CACNA1C: variants seen among roughly 807,000 people sequenced by gnomAD.
CACNA1C encodes the protein voltage-dependent L-type calcium channel subunit alpha-1C.
A neutral mutation model predicts 229.0 loss-of-function variants in CACNA1C; 30 were observed. The ratio of observed to expected loss-of-function variants is 0.13; its 90% confidence interval spans 0.10 to 0.18. The LOEUF is 0.18. CACNA1C is among the 10% of genes least tolerant of loss of function. CACNA1C has a pLI of 1.00. For missense variants in CACNA1C, 1,658 were observed against 2,845.0 expected, an observed-to-expected ratio of 0.58 and a Z score of 9.49; for synonymous variants, 1,114 against 1,132.5, an observed-to-expected ratio of 0.98 and a Z score of 0.33.
chr12:2,447,987 T>G (rs2099316035), intron 3 of CACNA1C, among the ~76,000 whole-genome samples: 1 of 152,240 alleles, frequency 6.6e-6, no homozygotes, highest in African/African-American at 2.4e-5. Context: ...CTGAGGCTTC[T>G]GCAGAGGCGA....
chr12:2,168,339 C>G (rs1462655799), intron 3 of CACNA1C, among the ~76,000 whole-genome samples: 1 of 152,166 alleles, frequency 6.6e-6, no homozygotes, highest in African/African-American at 2.4e-5. Context: ...AGTTTTTGTC[C>G]TCTGGAAGAT....
intron 3 of CACNA1C, among the ~76,000 whole-genome samples, chr12:2,276,935 T>C (rs1384873027): frequency 6.6e-6 from 1 of 152,030 alleles, no homozygotes; most frequent in African/African-American, 2.4e-5. Context: ...ACATAAACTC[T>C]AGCTACTCCA....
intron 3 of CACNA1C, among the ~76,000 whole-genome samples, chr12:2,448,310 G>A (rs542412120): frequency 3.3e-5 from 5 of 152,314 alleles, no homozygotes; most frequent in African/African-American, 7.2e-5. Context: ...GCCTCCATCC[G>A]CAAAGTGCTG....
In CACNA1C at chr12:2,679,497, G is replaced by C. The variant is rs761205516; in HGVS notation, c.5145G>C (p.Arg1715=). The C allele has an allele frequency of 1.2e-6, 2 of 1,607,892 alleles. No individual in the cohort carries two copies. Among genetic ancestry groups the C allele is most frequent in the South Asian group, 2.2e-5 (2 of 90,642 alleles). Residue 1715 remains arginine, a synonymous_variant, in exon 42 of 47, where the codon CGG becomes CGC. Transcript: ENST00000399655. The surrounding 1 kb of genome is among the most constrained non-coding windows in gnomAD (Gnocchi z 5.5). ...NHVSYYQSDG[R]SAFPQTFTTQ... Reference sequence around the variant, plus strand: ...TCAGCTACTACCAAAGCGACGGCCGGAGCGCCTTCCCCCAGACCTTCACCA... The same window carrying C: ...TCAGCTACTACCAAAGCGACGGCCGCAGCGCCTTCCCCCAGACCTTCACCA...
Position 2,677,236 on chromosome 12 carries a change from G to A in CACNA1C, c.4956+15G>A, listed in dbSNP as rs755066846. Reference sequence around the variant, plus strand: ...TGTCTCTGCAGGTGAGGGCCTGGGGGCGGGCCCACACTCCAGGAAGGTCCT... The same window carrying A: ...TGTCTCTGCAGGTGAGGGCCTGGGGACGGGCCCACACTCCAGGAAGGTCCT... On this transcript the variant is annotated intron_variant, in intron 40 of 46. Transcript: ENST00000399655. This position sits in a 1 kb window ranked among gnomAD's most constrained non-coding sequence, Gnocchi z 7.4. The A allele has an allele frequency of 8.1e-6, 13 of 1,612,562 alleles. No homozygotes were observed. Among genetic ancestry groups the A allele is most frequent in the South Asian group, 2.2e-5 (2 of 90,742 alleles).
At chr12:2,199,812 G>T (rs918907571) in intron 3 of CACNA1C, among the ~76,000 whole-genome samples, 3 of 152,110 alleles carry the variant, frequency 2.0e-5, no homozygotes, top group Non-Finnish European at 4.4e-5. Flanking sequence ...CAGCCGAGAG[G>T]TGAAGGCTGC....
At chr12:2,186,045 C>G (rs2096991599) in intron 3 of CACNA1C, among the ~76,000 whole-genome samples, 1 of 152,176 alleles carries the variant, frequency 6.6e-6, no homozygotes, top group African/African-American at 2.4e-5. Context: ...ACTCGGTTCC[C>G]TACTCTGAGG....
Position 2,682,067 on chromosome 12 carries a change from C to G in CACNA1C, c.5445-483C>G, listed in dbSNP as rs764418363. ...CAAACCCCTCTAGGTGAGGCTTCCT[C>G]TCTGTGCCTTTACCCCAGGGTGCCA... is the stretch of plus-strand genomic sequence containing the variant. On this transcript the variant is annotated intron_variant, in intron 42 of 46. Coordinates refer to ENST00000399655, the MANE Select transcript of CACNA1C (RefSeq NM_000719.7). The G allele has an allele frequency of 2.1e-6, 3 of 1,448,138 alleles. No homozygotes were observed. The East Asian group carries it at 6.8e-5, about 33-fold the overall frequency. The allele number at this position is 1,448,138 out of a possible 1,614,324, so 89.7% of individuals were successfully genotyped here.
chr12:2,301,936 T>G (rs1163217988), intron 3 of CACNA1C, among the ~76,000 whole-genome samples: 1 of 152,242 alleles, frequency 6.6e-6, no homozygotes, highest in African/African-American at 2.4e-5. Flanking sequence ...TTGAATGAAC[T>G]ATCAGTGTGG....
chr12:2,085,311 A>G (rs1354177549), intron 1 of CACNA1C, among the ~76,000 whole-genome samples: 1 of 152,248 alleles, frequency 6.6e-6, no homozygotes. Context: ...TTGAACCACC[A>G]TTGGTAGGAT....
At chr12:2,539,850 GTTTAA>G (rs2099864873) in intron 9 of CACNA1C, among the ~76,000 whole-genome samples, 2 of 118,674 alleles carry the variant, frequency 1.7e-5, no homozygotes, top group Non-Finnish European at 1.8e-5. Context: ...TGCAGGCAGG[GTTTAA>G]GGACTTAAGG....
At chr12:2,519,177 G>C (rs2099804478) in intron 9 of CACNA1C, among the ~76,000 whole-genome samples, 1 of 152,204 alleles carries the variant, frequency 6.6e-6, no homozygotes, top group Non-Finnish European at 1.5e-5. Context: ...CTTTACACTT[G>C]CTTGCTGGGC....
At chr12:2,440,897 A>T (rs533986229) in intron 3 of CACNA1C, among the ~76,000 whole-genome samples, 1 of 152,338 alleles carries the variant, frequency 6.6e-6, no homozygotes, top group African/African-American at 2.4e-5. Flanking sequence ...TGCAACTCTC[A>T]GGAAGTATTT....
intron 1 of CACNA1C, among the ~76,000 whole-genome samples, chr12:2,091,673 G>GT (rs2071139353): frequency 6.6e-6 from 1 of 152,222 alleles, no homozygotes. Context: ...TGCCACATAA[G>GT]GTAACTTATT....
chr12:2,030,694 G>A (rs1247527710), intron 1 of CACNA1C, among the ~76,000 whole-genome samples: 1 of 152,202 alleles, frequency 6.6e-6, no homozygotes, highest in Non-Finnish European at 1.5e-5. Context: ...CCGGGCACAG[G>A]CCACAGCAGG....
chr12:2,576,968 C>T (rs2058634750), intron 13 of CACNA1C, among the ~76,000 whole-genome samples: 2 of 152,236 alleles, frequency 1.3e-5, no homozygotes, highest in Admixed American at 1.3e-4. Flanking sequence ...GCATATAAAA[C>T]ATCCCTGATA....
chr12:2,212,854 C>G (rs1412434552), intron 3 of CACNA1C, among the ~76,000 whole-genome samples: 5 of 152,186 alleles, frequency 3.3e-5, no homozygotes, highest in African/African-American at 1.2e-4. Context: ...AAGCACAGAA[C>G]TGGACACCAT....
intron 1 of CACNA1C, among the ~76,000 whole-genome samples, chr12:2,057,773 A>G (rs1158714178): frequency 6.6e-6 from 1 of 152,152 alleles, no homozygotes; most frequent in African/African-American, 2.4e-5. Flanking sequence ...GCCAGATGTT[A>G]ATTTTCTCCC....
At chr12:2,156,975 A>G (rs1194326942) in intron 3 of CACNA1C, among the ~76,000 whole-genome samples, 1 of 152,222 alleles carries the variant, frequency 6.6e-6, no homozygotes, top group Non-Finnish European at 1.5e-5. Context: ...GAGACAGCTG[A>G]ATCCTAAGCG....
Sources: gnomAD v4.1 joint callset for allele counts (sites outside exome capture counted in the v4.1 genomes callset) on GRCh38, gnomAD v4.1.1 for gene constraint, Gnocchi (gnomAD v3.1) non-coding constraint, MANE v1.5 for transcripts, NCBI Gene and HGNC (gene_info 2026-07-23, HGNC 2026-07-21) for gene names.